The following RRAGD variants were observed in gnomAD, a reference collection of about 807,000 sequenced individuals.
RRAGD encodes the protein ras-related GTP-binding protein D.
In RRAGD, 12 loss-of-function variants were observed where a neutral mutation model predicts 35.5. The observed-to-expected ratio is 0.34, with a 90% CI of 0.22 to 0.55. RRAGD has a LOEUF of 0.55. Ranked by LOEUF, RRAGD falls within the 20% of genes least tolerant of loss-of-function variation. The pLI, the probability that RRAGD is intolerant of heterozygous loss-of-function variation, is 0.91. For synonymous variants in RRAGD, 155 were observed against 178.9 expected (o/e 0.87, Z 1.07); for missense variants, 324 against 490.1 (o/e 0.66, Z 3.20).
chr6:89,372,519 A>G lies in RRAGD; in HGVS notation c.969T>C (p.Asn323=). 6.2e-7 allele frequency: 1 copy of G among 1,608,896 alleles called. No individual in the cohort carries two copies. Among genetic ancestry groups the G allele is most frequent in the South Asian group, 1.1e-5 (1 of 90,572 alleles). ...KESTAIIKLN[N]TTVLYLKEVT... Reference sequence around the variant, plus strand: ...CCTCTTTTAAATAAAGCACGGTTGTATTATTAAGCTTTATGATGGCTGTGG... The same window carrying G: ...CCTCTTTTAAATAAAGCACGGTTGTGTTATTAAGCTTTATGATGGCTGTGG... Residue 323 remains asparagine (N), a synonymous_variant, in exon 6 of 7, where the codon AAT becomes AAC. Coordinates refer to ENST00000369415, the MANE Select transcript of RRAGD (RefSeq NM_021244.5).
intron 4 of RRAGD, 37 bp from the exon 5 acceptor site, chr6:89,377,850 G>C (rs768486059): frequency 6.5e-7 from 1 of 1,537,264 alleles, no homozygotes; most frequent in Admixed American, 1.9e-5. Context: ...TAAAGCAACA[G>C]TCAACTTCAG....
chr6:89,402,506 G>C (rs1769491842), intron 1 of RRAGD, among the ~76,000 whole-genome samples: 1 of 152,184 alleles, frequency 6.6e-6, no homozygotes, highest in Non-Finnish European at 1.5e-5. Context: ...AACAGGACTT[G>C]TGAGTGCAAA....
Position 89,380,277 on chromosome 6 carries a change from G to T in RRAGD, c.535C>A (p.His179Asn). Residue 179 changes from histidine (H) to asparagine (N), a missense_variant, in exon 3 of 7, where the codon CAT becomes AAT. This residue lies in a region of RRAGD where 152 missense variants were observed against 296.9 expected (regional missense o/e 0.51). Coordinates refer to ENST00000369415, the MANE Select transcript of RRAGD (RefSeq NM_021244.5). ...NTDINFEVFI[H>N]KVDGLSDDHK... ...TCATCTGACAGACCATCCACTTTAT[G>T]AATAAACACCTCGAAGTTGATGTCA... 6.2e-7 allele frequency: 1 copy of T among 1,614,212 alleles called. No homozygotes were observed. Among genetic ancestry groups the T allele is most frequent in the Non-Finnish European group, 8.5e-7 (1 of 1,180,022 alleles).
At position 89,387,355 on chromosome 6, in the gene RRAGD, T is replaced by C. The variant is rs199693510; in HGVS notation, c.384A>G (p.Thr128=). The C allele has an allele frequency of 3.7e-5, 60 of 1,614,158 alleles. No individual in the cohort carries two copies. The East Asian group carries it at 1.3e-3, about 35-fold the overall frequency. ...CCCGGAAGATCATCTCATAGTCAAA[T>C]GTAGGGTCAAAAAAGTCAATCTGTC... ...FPGQIDFFDP[T]FDYEMIFRGT... is the part of the protein sequence containing the mutation. Residue 128 remains threonine, a synonymous_variant, in exon 2 of 7, where the codon ACA becomes ACG. Coordinates refer to ENST00000369415, the MANE Select transcript of RRAGD (RefSeq NM_021244.5).
At position 89,379,274 on chromosome 6, in the gene RRAGD, G is replaced by T. The variant is rs1418443210; in HGVS notation, c.709C>A (p.Leu237Met). Residue 237 changes from leucine (L) to methionine (M), a missense_variant, in exon 4 of 7, where the codon CTG becomes ATG. By Grantham distance (15) the Leu-to-Met change is conservative (BLOSUM62 2). Coordinates refer to ENST00000369415, the MANE Select transcript of RRAGD (RefSeq NM_021244.5). The part of the protein sequence containing the change: ...FEAFSKVVQK[L>M]IPQLPTLENL... The stretch of plus-strand genomic sequence containing the variant: ...TCCAGAGTTGGGAGTTGTGGAATCA[G>T]TTTCTGAACAACTTTGCTAAAAGCT... 6.2e-7 allele frequency: 1 copy of T among 1,604,562 alleles called. No individual in the cohort carries two copies. The highest frequency in any genetic ancestry group is 1.7e-5 in the Admixed American group (1 of 58,930).
chr6:89,404,934 TATC>T (rs1168716634), intron 1 of RRAGD, among the ~76,000 whole-genome samples: 2 of 152,188 alleles, frequency 1.3e-5, no homozygotes, highest in African/African-American at 2.4e-5. Context: ...AAGAATGAGA[TATC>T]ATATGAAATG....
chr6:89,398,188 T>C (rs1441830191), intron 1 of RRAGD, among the ~76,000 whole-genome samples: 4 of 151,428 alleles, frequency 2.6e-5, no homozygotes, highest in South Asian at 2.1e-4. Context: ...CAGTAGGCAG[T>C]AAGGAAAGGT....
chr6:89,372,307 G>T, intron 6 of RRAGD, 130 bp downstream of exon 6: 1 of 1,019,910 alleles, frequency 9.8e-7, no homozygotes, highest in Non-Finnish European at 1.4e-6. Flanking sequence ...TCCAAGCCAA[G>T]AGGGCCTGTG....
chr6:89,407,375 T>C lies in RRAGD; in HGVS notation c.148+4471A>G, dbSNP rs1769601871. Among the ~76,000 whole-genome samples, 3 of 152,198 alleles carry C rather than the reference T, an allele frequency of 2.0e-5. No homozygotes were observed. The South Asian group carries it at 6.2e-4, about 32-fold the overall frequency. On this transcript the variant is annotated intron_variant, in intron 1 of 6. Transcript: ENST00000369415. ...GGAAGAGGCCGGGCGCGGTGGCTCA[T>C]GCCTGTAATCCCAGTACTTTGGGAG...
intron 1 of RRAGD, among the ~76,000 whole-genome samples, chr6:89,394,823 G>T (rs934034106): frequency 6.6e-6 from 1 of 152,126 alleles, no homozygotes; most frequent in African/African-American, 2.4e-5. Context: ...TAGGTAGAAG[G>T]AGAATTTAGG....
chr6:89,392,445 A>T (rs115261674), intron 1 of RRAGD, among the ~76,000 whole-genome samples: 1 of 149,170 alleles, frequency 6.7e-6, no homozygotes, highest in East Asian at 2.0e-4. Flanking sequence ...GCACTACTGC[A>T]CTCCAGCCTG....
intron 6 of RRAGD, 112 bp from the exon 7 acceptor site, chr6:89,368,319 C>T (rs1223043238): frequency 3.8e-5 from 33 of 874,068 alleles, no homozygotes; most frequent in Non-Finnish European, 4.7e-5. Flanking sequence ...ATGGTCTTAG[C>T]GTAAGGACCA....
intron 1 of RRAGD, among the ~76,000 whole-genome samples, chr6:89,396,359 A>G: frequency 1.3e-5 from 2 of 152,208 alleles, no homozygotes. Flanking sequence ...CTGGGAAGGG[A>G]CTTGTATGCA....
At position 89,411,848 on chromosome 6, in the gene RRAGD, C is replaced by T. The variant is rs749677164; in HGVS notation, c.146G>A (p.Gly49Glu). ...GGACGCGGGGGCCGGGCGCTCACCT[C>T]CCTCCTCTGTGCCGCTGTCCGGATC... ...DADPDSGTEE[G>E]VLDFSDPFST... The change falls in exon 1 of 7, where the codon GGA becomes GAA. Residue 49 changes from glycine (G) to glutamate (E), a missense_variant and splice_region_variant. Gly to Glu is a moderately conservative substitution (Grantham distance 98, BLOSUM62 -2). This residue lies in a region of RRAGD where 96 missense variants were observed against 78.7 expected (regional missense o/e 1.22). Coordinates refer to ENST00000369415, the MANE Select transcript of RRAGD (RefSeq NM_021244.5). This position sits in a 1 kb window ranked among gnomAD's most constrained non-coding sequence, Gnocchi z 5.6. 2 of 1,551,540 alleles carry T rather than the reference C, an allele frequency of 1.3e-6. No individual in the cohort carries two copies. The highest frequency in any genetic ancestry group is 1.2e-5 in the South Asian group (1 of 85,370).
intron 1 of RRAGD, among the ~76,000 whole-genome samples, chr6:89,403,627 CTTTT>C (rs10715442): frequency 4.9e-4 from 57 of 116,466 alleles, no homozygotes; most frequent in Admixed American, 2.5e-3. Flanking sequence ...TTTTCTTTTT[CTTTT>C]TTTTTTTTTT....
chr6:89,408,152 T>G (rs1014546026), intron 1 of RRAGD, among the ~76,000 whole-genome samples: 4 of 152,154 alleles, frequency 2.6e-5, no homozygotes, highest in Admixed American at 2.6e-4. Context: ...CCAGCTCTTT[T>G]TGGATAAGGC....
At chr6:89,393,091 C>A (rs981700328) in intron 1 of RRAGD, among the ~76,000 whole-genome samples, 2 of 152,212 alleles carry the variant, frequency 1.3e-5, no homozygotes, top group Non-Finnish European at 2.9e-5. Context: ...TTAAAAATAT[C>A]AGACAGATAA....
chr6:89,400,090 T>A lies in RRAGD; in HGVS notation c.148+11756A>T, dbSNP rs901552896. Among the ~76,000 whole-genome samples the A allele has an allele frequency of 2.4e-4, 36 of 152,150 alleles. 1 individual carries two copies. Among genetic ancestry groups the A allele is most frequent in the African/African-American group, 7.2e-5 (3 of 41,438 alleles). ...TTTAATACTAAACTGTAGTCTAATT[T>A]GCTTATCTCATGAATTAAAATTTAC... On this transcript the variant is annotated intron_variant, in intron 1 of 6. Coordinates refer to ENST00000369415, the MANE Select transcript of RRAGD (RefSeq NM_021244.5).
At chr6:89,375,943 A>G (rs931748984) in intron 5 of RRAGD, among the ~76,000 whole-genome samples, 1 of 152,244 alleles carries the variant, frequency 6.6e-6, no homozygotes, top group Admixed American at 6.5e-5. Context: ...CTTACAGCTA[A>G]TGACCATATG....
Sources: gnomAD v4.1 joint callset for allele counts (sites outside exome capture counted in the v4.1 genomes callset) on GRCh38, gnomAD v4.1.1 for gene constraint, gnomAD v4.1.1 regional missense constraint, Gnocchi (gnomAD v3.1) non-coding constraint, MANE v1.5 for transcripts, NCBI Gene and HGNC (gene_info 2026-07-23, HGNC 2026-07-21) for gene names.